Variants in TNRC6B observed in about 807,000 individuals in gnomAD.
TNRC6B encodes trinucleotide repeat-containing gene 6B protein.
TNRC6B carries 52 observed loss-of-function variants against 203.6 expected under a neutral mutation model. The ratio of observed to expected loss-of-function variants is 0.26; its 90% CI spans 0.20 to 0.32. The LOEUF is 0.32. TNRC6B is among the 10% of genes least tolerant of loss of function. TNRC6B has a pLI of 1.00. For missense variants in TNRC6B, 1,923 were observed against 2,286.2 expected, an observed-to-expected ratio of 0.84 and a Z score of 3.24; for synonymous variants, 838 against 845.7, an observed-to-expected ratio of 0.99 and a Z score of 0.16.
intron 10 of TNRC6B, 117 bp from the exon 11 acceptor site, chr22:40,281,002 A>T: frequency 1.2e-6 from 1 of 812,684 alleles, no homozygotes; most frequent in Non-Finnish European, 1.8e-6. Context: ...ATCCTTGGTT[A>T]TTGCTAATAC....
rs983255003 is a variant in TNRC6B at position 40,329,157 on chromosome 22, T to C, written c.*5916T>C. On this transcript the variant is annotated 3_prime_UTR_variant, in exon 23 of 23. Coordinates refer to ENST00000454349, the MANE Select transcript of TNRC6B (RefSeq NM_001162501.2). ...CTGTGTGTATACAATGAATTGTCAG[T>C]CTTCAGACCTCATGGTCGTTAAGAA... The C allele has an allele frequency of 6.6e-6, 1 of 152,238 alleles. No homozygotes were observed. The highest frequency in any genetic ancestry group is 2.4e-5 in the African/African-American group (1 of 41,442). The allele number at this position is 152,238 out of a possible 1,614,324, so 9.4% of individuals were successfully genotyped here.
chr22:40,251,090 T>C, intron 2 of TNRC6B, 89 bp from the exon 3 acceptor site: 1 of 1,113,738 alleles, frequency 9.0e-7, no homozygotes, highest in Non-Finnish European at 1.3e-6. Context: ...ACAGCTTGGA[T>C]TACTTGAGTT....
intron 3 of TNRC6B, among the ~76,000 whole-genome samples, chr22:40,258,110 A>G (rs1358584737): frequency 9.1e-5 from 5 of 55,242 alleles, no homozygotes; most frequent in Admixed American, 1.8e-4. Context: ...TTACCCCACA[A>G]TGTTTTTATT....
At chr22:40,207,418 A>AAAAAAT (rs1475466762) in intron 1 of TNRC6B, among the ~76,000 whole-genome samples, 6 of 128,856 alleles carry the variant, frequency 4.7e-5, no homozygotes, top group East Asian at 4.3e-4. Context: ...AAAAAAAAAA[A>AAAAAAT]ATATATATAT....
At chr22:40,082,392 A>G (rs956975295) in intron 1 of TNRC6B, among the ~76,000 whole-genome samples, 8 of 152,166 alleles carry the variant, frequency 5.3e-5, no homozygotes, top group Admixed American at 1.3e-4. Flanking sequence ...GTACCAAGCC[A>G]TAGGAGAGCA....
At chr22:40,312,419 C>G in intron 17 of TNRC6B, 86 bp from the exon 18 acceptor site, 6 of 1,320,106 alleles carry the variant, frequency 4.5e-6, no homozygotes, top group Non-Finnish European at 4.1e-6. Context: ...ATACTTTTCA[C>G]AGACCCATTT....
intron 1 of TNRC6B, among the ~76,000 whole-genome samples, chr22:40,212,346 A>T (rs1245848101): frequency 6.6e-6 from 1 of 152,230 alleles, no homozygotes; most frequent in Non-Finnish European, 1.5e-5. Context: ...TCAGGATGCA[A>T]CGTGGCCCTC....
chr22:40,052,395 CAG>C (rs1166185790), intron 1 of TNRC6B, among the ~76,000 whole-genome samples: 2 of 148,632 alleles, frequency 1.3e-5, no homozygotes, highest in Admixed American at 6.7e-5. Flanking sequence ...TACACAGCCT[CAG>C]TGTTCTCATT....
intron 1 of TNRC6B, among the ~76,000 whole-genome samples, chr22:40,197,188 A>G (rs2069348324): frequency 6.6e-6 from 1 of 152,146 alleles, no homozygotes; most frequent in African/African-American, 2.4e-5. Flanking sequence ...TCAGCACTGC[A>G]TTCATGATAA....
In TNRC6B at chr22:40,333,839, C is replaced by G. The variant is rs754826651; in HGVS notation, c.*10598C>G. On this transcript the variant is annotated 3_prime_UTR_variant, in exon 23 of 23. Transcript: ENST00000454349. ...CAGCTATTGCTTGCCTAGATTTGGGCACCCATGAAGCAGGGTTGGAATGGA... is the reference window on the plus strand; with the variant it reads ...CAGCTATTGCTTGCCTAGATTTGGGGACCCATGAAGCAGGGTTGGAATGGA... 1 of 152,642 alleles carries G rather than the reference C, an allele frequency of 6.6e-6. No homozygotes were observed. The highest frequency in any genetic ancestry group is 1.5e-5 in the Non-Finnish European group (1 of 68,056). The allele number at this position is 152,642 out of a possible 1,614,324, so 9.5% of individuals were successfully genotyped here.
rs778653963 is a variant in TNRC6B at position 40,266,266 on chromosome 22, G to C, written c.2036G>C (p.Gly679Ala). The change falls in exon 5 of 23, where the codon GGA becomes GCA. Residue 679 changes from glycine (G) to alanine (A), a missense_variant. Transcript: ENST00000454349. Reference sequence around the variant, plus strand: ...AGCCAAAGCAATCAAATGAAGTCTGGATGGGGGGAGCTCTCAGCCTCTACA... The same window carrying C: ...AGCCAAAGCAATCAAATGAAGTCTGCATGGGGGGAGCTCTCAGCCTCTACA... ...APSQSNQMKSGWGELSASTEW... is the reference protein window; with the variant it reads ...APSQSNQMKSAWGELSASTEW... The C allele has an allele frequency of 1.9e-6, 3 of 1,593,928 alleles. No homozygotes were observed. Among genetic ancestry groups the C allele is most frequent in the Admixed American group, 1.8e-5 (1 of 55,784 alleles).
At chr22:40,110,953 C>A (rs2068326892) in intron 1 of TNRC6B, among the ~76,000 whole-genome samples, 1 of 152,170 alleles carries the variant, frequency 6.6e-6, no homozygotes, top group Admixed American at 6.5e-5. Flanking sequence ...TTTGTGCTGG[C>A]ACTATATTGA....
chr22:40,303,640 A>T (rs2071053806), intron 15 of TNRC6B, among the ~76,000 whole-genome samples: 1 of 152,166 alleles, frequency 6.6e-6, no homozygotes, highest in Admixed American at 6.5e-5. Context: ...GTCTGGGCAC[A>T]GTGGCTCACA....
chr22:40,081,572 T>A (rs984508217), intron 1 of TNRC6B, among the ~76,000 whole-genome samples: 1 of 152,218 alleles, frequency 6.6e-6, no homozygotes, highest in Admixed American at 6.5e-5. Flanking sequence ...ACCTAAGTGC[T>A]CAACCTGGCT....
chr22:40,266,875 C>T lies in TNRC6B; in HGVS notation c.2645C>T (p.Ser882Leu). The T allele has an allele frequency of 6.2e-7, 1 of 1,613,926 alleles. No homozygotes were observed. Among genetic ancestry groups the T allele is most frequent in the Non-Finnish European group, 8.5e-7 (1 of 1,179,882 alleles). ...GGTTGGGAAGAGCCATCCCCACAGTCAATTAGTCGGAAAATGGACATTGAT... is the reference window on the plus strand; with the variant it reads ...GGTTGGGAAGAGCCATCCCCACAGTTAATTAGTCGGAAAATGGACATTGAT... ...PSGWEEPSPQ[S>L]ISRKMDIDDG... Residue 882 changes from serine to leucine, a missense_variant, in exon 5 of 23, where the codon TCA becomes TTA. Coordinates refer to ENST00000454349, the MANE Select transcript of TNRC6B (RefSeq NM_001162501.2).
chr22:40,205,980 G>A (rs1285718950), intron 1 of TNRC6B, among the ~76,000 whole-genome samples: 1 of 152,170 alleles, frequency 6.6e-6, no homozygotes, highest in Admixed American at 6.5e-5. Context: ...AGAGCCACAT[G>A]CTGGCTTCCG....
At chr22:40,270,679 C>T (rs2070549871) in intron 6 of TNRC6B, among the ~76,000 whole-genome samples, 2 of 152,034 alleles carry the variant, frequency 1.3e-5, no homozygotes, top group South Asian at 4.2e-4. Context: ...TTGGTGAGGG[C>T]TGTTTAGTTT....
chr22:40,238,561 A>C (rs994209315), intron 1 of TNRC6B, among the ~76,000 whole-genome samples: 10 of 151,890 alleles, frequency 6.6e-5, no homozygotes, highest in African/African-American at 2.4e-4. Flanking sequence ...TTCCTCAGAT[A>C]CACCAATCTC....
chr22:40,334,707 C>T lies in TNRC6B; in HGVS notation c.*11466C>T, dbSNP rs925295803. 6.6e-6 allele frequency: 1 copy of T among 152,586 alleles called. No individual in the cohort carries two copies. Among genetic ancestry groups the T allele is most frequent in the African/African-American group, 2.4e-5 (1 of 41,432 alleles). The allele number at this position is 152,586 out of a possible 1,614,324, so 9.5% of individuals were successfully genotyped here. ...TAATGGGAGTCACTTCACAGAGACG[C>T]AGGAGGACCTGGGGGGCGTAGCAGA... On this transcript the variant is annotated 3_prime_UTR_variant, in exon 23 of 23. Coordinates refer to ENST00000454349, the MANE Select transcript of TNRC6B (RefSeq NM_001162501.2).
Sources: gnomAD v4.1 joint callset for allele counts (sites outside exome capture counted in the v4.1 genomes callset) on GRCh38, gnomAD v4.1.1 for gene constraint, MANE v1.5 for transcripts, NCBI Gene and HGNC (gene_info 2026-07-23, HGNC 2026-07-21) for gene names.